The following TBC1D8B variants were observed in gnomAD, a reference collection of about 807,000 sequenced individuals.
TBC1D8B encodes RP11-321G1.1.
A neutral mutation model predicts 82.9 loss-of-function variants in TBC1D8B; 75 were observed. That is an observed-to-expected ratio of 0.90 (90% CI 0.75 to 1.10). TBC1D8B has a LOEUF of 1.10. Ranked by LOEUF, TBC1D8B falls within the 50% of genes least tolerant of loss-of-function variation. The pLI is 0.00. For missense variants in TBC1D8B, 794 were observed against 796.9 expected, an observed-to-expected ratio of 1.00 and a Z score of 0.04; for synonymous variants, 276 against 276.8, an observed-to-expected ratio of 1.00 and a Z score of 0.03.
At chrX:106,841,339 G>A (rs1388339251) in intron 10 of TBC1D8B, among the ~76,000 whole-genome samples, 1 of 111,886 alleles carries the variant, frequency 8.9e-6, no homozygotes, top group African/African-American at 3.2e-5. Flanking sequence ...GCATTTGCAA[G>A]TCTTAAAAAT....
intron 1 of TBC1D8B, among the ~76,000 whole-genome samples, chrX:106,805,736 T>G (rs998805121): frequency 8.9e-6 from 1 of 112,063 alleles, no homozygotes; most frequent in Non-Finnish European, 1.9e-5. Flanking sequence ...CATAAGTGTG[T>G]GCTGATTTTC....
intron 14 of TBC1D8B, among the ~76,000 whole-genome samples, chrX:106,854,659 A>AC (rs1932661439): frequency 9.1e-6 from 1 of 109,874 alleles, no homozygotes; most frequent in Admixed American, 9.8e-5. Context: ...GACTACATGC[A>AC]CACACCACCA....
intron 7 of TBC1D8B, among the ~76,000 whole-genome samples, chrX:106,830,948 T>TA (rs775480794): frequency 3.8e-5 from 4 of 104,890 alleles, no homozygotes; most frequent in East Asian, 2.9e-4. Flanking sequence ...AGTATAATAA[T>TA]AATAAATAAA....
intron 14 of TBC1D8B, among the ~76,000 whole-genome samples, chrX:106,857,794 T>A (rs1602433730): frequency 8.9e-6 from 1 of 112,831 alleles, no homozygotes; most frequent in African/African-American, 3.2e-5. Flanking sequence ...ATTGACCACA[T>A]TTTCTTTATC....
intron 1 of TBC1D8B, chrX:106,818,438 A>T (rs767390725): frequency 7.8e-4 from 230 of 295,117 alleles, no homozygotes; most frequent in South Asian, 1.2e-3. Flanking sequence ...ATTGAAGCTG[A>T]CTTAACTCTT....
At chrX:106,844,476 CATAT>C (rs779296924) in intron 10 of TBC1D8B, among the ~76,000 whole-genome samples, 3 of 100,598 alleles carry the variant, frequency 3.0e-5, no homozygotes, top group African/African-American at 1.1e-4. Flanking sequence ...TTATTTTTTC[CATAT>C]ATATATATAT....
chrX:106,844,328 G>A (rs1932382240), intron 10 of TBC1D8B, among the ~76,000 whole-genome samples: 1 of 109,272 alleles, frequency 9.2e-6, no homozygotes, highest in Non-Finnish European at 1.9e-5. Context: ...AAAGTATAAT[G>A]TTAACTGTGG....
chrX:106,833,107 C>T (rs1932083749), intron 7 of TBC1D8B, among the ~76,000 whole-genome samples: 1 of 110,515 alleles, frequency 9.0e-6, no homozygotes, highest in South Asian at 3.8e-4. Context: ...AACTCTGGCC[C>T]CCAAACCACC....
At chrX:106,852,207 T>A (rs373214964) in intron 12 of TBC1D8B, among the ~76,000 whole-genome samples, 2 of 102,277 alleles carry the variant, frequency 2.0e-5, no homozygotes, top group East Asian at 6.2e-4. Flanking sequence ...GCTGCATAAA[T>A]GTCTTCTTTT....
At chrX:106,814,199 AT>A (rs1931465325) in intron 1 of TBC1D8B, 1 of 111,383 alleles carries the variant, frequency 9.0e-6, no homozygotes, top group African/African-American at 3.3e-5. Context: ...ATCATTTTTT[AT>A]GGCTGTATAG....
intron 2 of TBC1D8B, among the ~76,000 whole-genome samples, chrX:106,819,997 C>T (rs1176864390): frequency 9.1e-6 from 1 of 110,390 alleles, no homozygotes; most frequent in African/African-American, 3.3e-5. Flanking sequence ...GCTATGGTGA[C>T]TTAGTAGCAT....
At chrX:106,860,178 G>A (rs1932760034) in intron 14 of TBC1D8B, among the ~76,000 whole-genome samples, 1 of 111,038 alleles carries the variant, frequency 9.0e-6, no homozygotes, top group South Asian at 3.8e-4. Context: ...GTCTCTGCCA[G>A]TTATTGGTAG....
At chrX:106,848,420 T>C (rs1932511314) in intron 11 of TBC1D8B, 117 bp downstream of exon 11, 1 of 438,519 alleles carries the variant, frequency 2.3e-6, no homozygotes, top group Non-Finnish European at 3.7e-6. Flanking sequence ...ACTGATGGAT[T>C]ATGTTGTGGT....
chrX:106,812,806 A>G (rs1383864703), intron 1 of TBC1D8B, among the ~76,000 whole-genome samples: 1 of 111,945 alleles, frequency 8.9e-6, no homozygotes, highest in Non-Finnish European at 1.9e-5. Flanking sequence ...TATTGGCCAC[A>G]GGTTAGATTC....
chrX:106,813,949 T>C (rs901428299), intron 1 of TBC1D8B: 1 of 110,226 alleles, frequency 9.1e-6, no homozygotes, highest in Non-Finnish European at 1.9e-5. Flanking sequence ...GCTGGTCTGC[T>C]GCACCCATTA....
intron 19 of TBC1D8B, 24 bp from the exon 20 acceptor site, chrX:106,870,692 A>T (rs763146160): frequency 5.6e-6 from 6 of 1,066,406 alleles, no homozygotes; most frequent in Non-Finnish European, 7.8e-6. Context: ...TTCCTTATGA[A>T]ATGGTTTTAC....
At chrX:106,856,311 T>C (rs1932696282) in intron 14 of TBC1D8B, among the ~76,000 whole-genome samples, 1 of 111,203 alleles carries the variant, frequency 9.0e-6, no homozygotes, top group South Asian at 3.7e-4. Flanking sequence ...ATTATCTTTA[T>C]AATGTCTTTC....
chrX:106,854,317 GA>G, intron 14 of TBC1D8B, 21 bp downstream of exon 14: 1 of 1,049,436 alleles, frequency 9.5e-7, no homozygotes, highest in Non-Finnish European at 1.3e-6. Flanking sequence ...AACCAATGAG[GA>G]AAAACCAGTT....
rs1371011092 is a variant in TBC1D8B at position 106,853,639 on chromosome X, G to T, written c.2242G>T (p.Glu748Ter). The T allele has an allele frequency of 1.4e-5, 17 of 1,203,520 alleles. No homozygotes were observed. The highest frequency in any genetic ancestry group is 1.9e-5 in the Non-Finnish European group (17 of 890,618). Residue 748 changes from glutamate (E) to a stop codon, truncating the protein, a stop_gained, in exon 13 of 21, where the codon GAA (glutamate) becomes TAA (stop). Transcript: ENST00000357242. LOFTEE classifies it high-confidence loss of function. ...AGTGGATATTACAGATTTGATTAGA[G>T]AATCAAATGAGGTAAGTTTTTTCAT... is the stretch of plus-strand genomic sequence containing the variant. ...TRVDITDLIRESNEKYGNIRY... is the reference protein window; with the variant it reads ...TRVDITDLIR
Sources: allele counts gnomAD v4.1 joint callset (sites outside exome capture counted in the v4.1 genomes callset), GRCh38; gene constraint gnomAD v4.1.1; transcripts MANE v1.5; gene names NCBI Gene and HGNC (gene_info 2026-07-23, HGNC 2026-07-21).